MARCHF1: variants seen among roughly 807,000 people sequenced by gnomAD.
The protein encoded by MARCHF1 is E3 ubiquitin-protein ligase MARCHF1.
Under a neutral mutation model 54.2 loss-of-function variants are expected in MARCHF1, and 40 were observed. The ratio of observed to expected loss-of-function variants is 0.74; its 90% CI spans 0.57 to 0.96. The LOEUF (loss-of-function observed/expected upper bound fraction) is 0.96, where lower values mean the gene tolerates loss of function less well. MARCHF1 is among the 40% of genes least tolerant of loss of function. MARCHF1 has a pLI of 0.00. For synonymous variants in MARCHF1, 236 were observed against 236.3 expected, an observed-to-expected ratio of 1.00 and a Z score of 0.01; for missense variants, 586 against 656.5, an observed-to-expected ratio of 0.89 and a Z score of 1.17.
chr4:163,641,251 T>G (rs1047559589), intron 5 of MARCHF1, among the ~76,000 whole-genome samples: 3 of 152,076 alleles, frequency 2.0e-5, no homozygotes, highest in Non-Finnish European at 2.9e-5. Context: ...TTTTCCAGAA[T>G]AAAATGACAG....
intron 2 of MARCHF1, among the ~76,000 whole-genome samples, chr4:163,989,633 A>T (rs1006087306): frequency 4.6e-5 from 7 of 152,086 alleles, no homozygotes; most frequent in East Asian, 1.9e-4. Flanking sequence ...TTTTAAATTT[A>T]AAAAAAATTC....
At chr4:164,200,339 T>C (rs906104721) in intron 1 of MARCHF1, among the ~76,000 whole-genome samples, 1 of 152,234 alleles carries the variant, frequency 6.6e-6, no homozygotes, top group African/African-American at 2.4e-5. Flanking sequence ...TCAGTCCTAA[T>C]ATGATTACCA....
At chr4:163,932,126 A>T (rs931663101) in intron 3 of MARCHF1, among the ~76,000 whole-genome samples, 16 of 152,214 alleles carry the variant, frequency 1.1e-4, no homozygotes, top group African/African-American at 3.4e-4. Context: ...AAAGAAAAAA[A>T]AAAAGCTAAT....
chr4:163,952,555 C>T (rs1030790401), intron 3 of MARCHF1, among the ~76,000 whole-genome samples: 2 of 152,154 alleles, frequency 1.3e-5, no homozygotes, highest in African/African-American at 2.4e-5. Flanking sequence ...AGAGGGTCTG[C>T]ATGAGGTGCT....
chr4:164,213,852 CTT>C (rs1479617243), intron 1 of MARCHF1, among the ~76,000 whole-genome samples: 1 of 151,686 alleles, frequency 6.6e-6, no homozygotes, highest in African/African-American at 2.4e-5. Context: ...GAGTTTGAAA[CTT>C]CAGGCAAAAT....
chr4:163,804,825 A>T (rs1474356126), intron 4 of MARCHF1, among the ~76,000 whole-genome samples: 1 of 152,096 alleles, frequency 6.6e-6, no homozygotes, highest in African/African-American at 2.4e-5. Context: ...TCCCTTTTAG[A>T]CATCTCTCTC....
chr4:163,544,145 A>C (rs566560955), intron 9 of MARCHF1, among the ~76,000 whole-genome samples: 2 of 152,214 alleles, frequency 1.3e-5, no homozygotes, highest in Non-Finnish European at 2.9e-5. Flanking sequence ...TACTTGGGCC[A>C]GTACCTATAT....
chr4:164,172,424 C>G (rs1339057603), intron 1 of MARCHF1, among the ~76,000 whole-genome samples: 7 of 151,808 alleles, frequency 4.6e-5, no homozygotes, highest in Non-Finnish European at 1.0e-4. Context: ...GAATGAAGCC[C>G]CTAGACGATG....
chr4:163,833,623 A>G (rs1579324258), intron 4 of MARCHF1, among the ~76,000 whole-genome samples: 1 of 152,244 alleles, frequency 6.6e-6, no homozygotes, highest in Non-Finnish European at 1.5e-5. Flanking sequence ...AAAAATGCTC[A>G]TCATCACCGG....
intron 1 of MARCHF1, among the ~76,000 whole-genome samples, chr4:164,147,833 GTCAA>G (rs1032077112): frequency 2.1e-3 from 273 of 128,664 alleles, no homozygotes; most frequent in African/African-American, 9.5e-3. Flanking sequence ...AATAAAAAAA[GTCAA>G]TAAAAAAAAT....
At chr4:163,699,557 A>T (rs1164490182) in intron 5 of MARCHF1, among the ~76,000 whole-genome samples, 1 of 152,154 alleles carries the variant, frequency 6.6e-6, no homozygotes, top group African/African-American at 2.4e-5. Flanking sequence ...AACGTCTCTA[A>T]ATTGGAAGTT....
chr4:163,872,888 C>T (rs552998015), intron 3 of MARCHF1, among the ~76,000 whole-genome samples: 22 of 151,848 alleles, frequency 1.4e-4, no homozygotes, highest in African/African-American at 5.1e-4. Context: ...ACTAAAAATA[C>T]AAAAAATTAG....
intron 7 of MARCHF1, among the ~76,000 whole-genome samples, chr4:163,590,371 T>C (rs1176726575): frequency 1.3e-5 from 2 of 152,120 alleles, no homozygotes; most frequent in Non-Finnish European, 2.9e-5. Context: ...TTTTGCTATA[T>C]GCAAAGAAAA....
chr4:164,273,276 G>T (rs528585475), intron 1 of MARCHF1, among the ~76,000 whole-genome samples: 1 of 152,152 alleles, frequency 6.6e-6, no homozygotes, highest in African/African-American at 2.4e-5. Flanking sequence ...GAGAAGTGCC[G>T]AGCAAAGGGG....
At chr4:163,822,744 T>C (rs1045998088) in intron 4 of MARCHF1, among the ~76,000 whole-genome samples, 1 of 151,872 alleles carries the variant, frequency 6.6e-6, no homozygotes, top group Admixed American at 6.6e-5. Context: ...ACTCTTTTCT[T>C]TTAGCTGTTT....
chr4:164,040,592 T>C (rs1252172396), intron 2 of MARCHF1, among the ~76,000 whole-genome samples: 1 of 151,640 alleles, frequency 6.6e-6, no homozygotes, highest in Non-Finnish European at 1.5e-5. Flanking sequence ...TGTGTGTTGA[T>C]GGTTAATAAG....
At chr4:163,702,543 T>C (rs562450718) in intron 4 of MARCHF1, among the ~76,000 whole-genome samples, 1 of 152,218 alleles carries the variant, frequency 6.6e-6, no homozygotes, top group Admixed American at 6.5e-5. Context: ...TCACGCAAAA[T>C]AAGAAATTTA....
intron 5 of MARCHF1, among the ~76,000 whole-genome samples, chr4:163,700,528 A>AGAAAGAAGGAAG (rs1744777221): frequency 8.7e-6 from 1 of 114,488 alleles, no homozygotes; most frequent in Non-Finnish European, 1.8e-5. Flanking sequence ...AAAGAAAGAA[A>AGAAAGAAGGAAG]GAAGGAAGGA....
intron 3 of MARCHF1, among the ~76,000 whole-genome samples, chr4:163,914,032 A>G (rs1033774883): frequency 5.9e-5 from 9 of 151,982 alleles, no homozygotes; most frequent in Non-Finnish European, 8.8e-5. Context: ...GAAATAAGTG[A>G]TCTTTTCTGA....
Sources: gnomAD v4.1 joint callset for allele counts (sites outside exome capture counted in the v4.1 genomes callset) on GRCh38, gnomAD v4.1.1 for gene constraint, MANE v1.5 for transcripts, NCBI Gene and HGNC (gene_info 2026-07-23, HGNC 2026-07-21) for gene names.